The following AIM2 variants were observed in gnomAD, a reference collection of about 807,000 sequenced individuals.
The protein encoded by AIM2 is absent in melanoma 2.
A neutral mutation model predicts 27.7 loss-of-function variants in AIM2; 30 were observed. That is an observed-to-expected ratio of 1.08 (90% CI 0.81 to 1.47). The LOEUF (loss-of-function observed/expected upper bound fraction) is 1.47. AIM2 is among the 40% of genes most tolerant of loss of function. The pLI is 0.00. For synonymous variants in AIM2, 141 were observed against 145.3 expected (o/e 0.97, Z 0.21); for missense variants, 358 against 411.3 (o/e 0.87, Z 1.12).
At chr1:159,084,090 G>A (rs1328745235) in intron 1 of AIM2, among the ~76,000 whole-genome samples, 1 of 152,162 alleles carries the variant, frequency 6.6e-6, no homozygotes, top group Non-Finnish European at 1.5e-5. Context: ...CATAAGTGAG[G>A]GAACAGAGTT....
chr1:159,128,031 T>C (rs1458332316), intron 1 of AIM2, among the ~76,000 whole-genome samples: 1 of 152,208 alleles, frequency 6.6e-6, no homozygotes, highest in East Asian at 1.9e-4. Context: ...CTTTGTTTAC[T>C]TGTTTCTGTT....
intron 4 of AIM2, among the ~76,000 whole-genome samples, chr1:159,065,519 A>G (rs1309947125): frequency 1.3e-5 from 2 of 152,230 alleles, no homozygotes; most frequent in Non-Finnish European, 2.9e-5. Flanking sequence ...CAGGTCATTA[A>G]TCTGGTTTAT....
chr1:159,063,759 G>A, intron 4 of AIM2, 85 bp from the exon 5 acceptor site: 9 of 1,342,572 alleles, frequency 6.7e-6, no homozygotes, highest in Non-Finnish European at 9.3e-6. Context: ...CCAGAAGAAG[G>A]CTCTAAAAAG....
chr1:159,115,887 G>C (rs1362596877), intron 1 of AIM2, among the ~76,000 whole-genome samples: 2 of 151,936 alleles, frequency 1.3e-5, no homozygotes, highest in Admixed American at 6.6e-5. Flanking sequence ...CCATCAGAGT[G>C]AACAGGCAAC....
chr1:159,083,319 C>T (rs528585303), intron 1 of AIM2, among the ~76,000 whole-genome samples: 56 of 152,244 alleles, frequency 3.7e-4, no homozygotes, highest in African/African-American at 1.2e-3. Context: ...AAATTTGTAT[C>T]TTCTATTGCA....
intron 1 of AIM2, among the ~76,000 whole-genome samples, chr1:159,109,156 A>G (rs1657513989): frequency 6.6e-6 from 1 of 152,188 alleles, no homozygotes; most frequent in Non-Finnish European, 1.5e-5. Context: ...CTATAAGGCC[A>G]TAGTCACCAA....
chr1:159,140,022 C>T (rs1468155612), intron 1 of AIM2, among the ~76,000 whole-genome samples: 3 of 152,138 alleles, frequency 2.0e-5, no homozygotes, highest in Non-Finnish European at 2.9e-5. Flanking sequence ...GTGACATACC[C>T]CTTTCCTGAA....
chr1:159,144,667 C>G (rs552153854), upstream of AIM2, among the ~76,000 whole-genome samples: 5 of 152,316 alleles, frequency 3.3e-5, no homozygotes, highest in South Asian at 1.0e-3. Flanking sequence ...CTCCAAAGAT[C>G]TGTGACTCAA....
Position 159,073,333 on chromosome 1 carries a change from G to A in AIM2, c.167C>T (p.Ala56Val). 1 of 1,614,172 alleles carries A rather than the reference G, an allele frequency of 6.2e-7. No individual in the cohort carries two copies. The highest frequency in any genetic ancestry group is 1.1e-5 in the South Asian group (1 of 91,088). The change falls in exon 2 of 6, where the codon GCT becomes GTT. Residue 56 changes from alanine (A) to valine (V), a missense_variant. By Grantham distance (64) the Ala-to-Val change is moderately conservative (BLOSUM62 0). Transcript: ENST00000368130. ...CTTCATCACTGCAGACACCGCCCCAGCATTTTGAATCATCAAGGTAGCTAC... is the reference window on the plus strand; with the variant it reads ...CTTCATCACTGCAGACACCGCCCCAACATTTTGAATCATCAAGGTAGCTAC... Reference protein sequence around the residue: ...IQVATLMIQNAGAVSAVMKTI... With the variant: ...IQVATLMIQNVGAVSAVMKTI...
At chr1:159,070,892 G>C (rs114435702) in intron 2 of AIM2, among the ~76,000 whole-genome samples, 1 of 152,116 alleles carries the variant, frequency 6.6e-6, no homozygotes, top group African/African-American at 2.4e-5. Flanking sequence ...CAAGGGAGGC[G>C]GAAGGAATCA....
intron 2 of AIM2, among the ~76,000 whole-genome samples, chr1:159,072,111 G>A (rs1259429757): frequency 6.6e-6 from 1 of 152,174 alleles, no homozygotes. Context: ...GCTCATCCCA[G>A]ATAAGAAAAA....
At chr1:159,130,848 G>A (rs868103070) in intron 1 of AIM2, among the ~76,000 whole-genome samples, 12 of 142,274 alleles carry the variant, frequency 8.4e-5, no homozygotes, top group East Asian at 4.2e-4. Context: ...ACACACGCAC[G>A]CACTCTTCAA....
At chr1:159,069,160 C>T (rs1656245226) in intron 2 of AIM2, among the ~76,000 whole-genome samples, 1 of 149,554 alleles carries the variant, frequency 6.7e-6, no homozygotes, top group Non-Finnish European at 1.5e-5. Context: ...AAAAAAAAGA[C>T]AAGAAACAAA....
At chr1:159,136,915 T>A (rs3026932) in intron 1 of AIM2, among the ~76,000 whole-genome samples, 2,876 of 152,226 alleles carry the variant, frequency 0.019, 37 homozygotes, top group Non-Finnish European at 0.031. Context: ...CCACCTCTGG[T>A]GGTACAGCAC....
intron 1 of AIM2, among the ~76,000 whole-genome samples, chr1:159,116,048 A>G (rs1647338697): frequency 6.6e-6 from 1 of 152,220 alleles, no homozygotes; most frequent in Non-Finnish European, 1.5e-5. Context: ...TTCTCAAAAG[A>G]AGACATTTAT....
upstream of AIM2, among the ~76,000 whole-genome samples, chr1:159,143,489 C>T (rs1219018136): frequency 6.6e-6 from 1 of 151,760 alleles, no homozygotes; most frequent in Non-Finnish European, 1.5e-5. Flanking sequence ...TTGTAAAGGG[C>T]AGGTTAACAG....
chr1:159,130,920 A>C (rs1185732723), intron 1 of AIM2, among the ~76,000 whole-genome samples: 1 of 151,828 alleles, frequency 6.6e-6, no homozygotes, highest in Non-Finnish European at 1.5e-5. Flanking sequence ...AAGGTTTATC[A>C]GTTCCTCCAC....
chr1:159,094,879 G>A (rs902230799), intron 1 of AIM2, among the ~76,000 whole-genome samples: 3 of 151,642 alleles, frequency 2.0e-5, no homozygotes, highest in Non-Finnish European at 2.9e-5. Context: ...TTTATTTGGG[G>A]CCAATTATTC....
intron 1 of AIM2, among the ~76,000 whole-genome samples, chr1:159,101,524 G>A (rs1357349916): frequency 1.3e-5 from 2 of 152,214 alleles, no homozygotes; most frequent in African/African-American, 4.8e-5. Context: ...TTTGGAACTA[G>A]GTAACAGGCA....
Sources: gnomAD v4.1 joint callset for allele counts (sites outside exome capture counted in the v4.1 genomes callset) on GRCh38, gnomAD v4.1.1 for gene constraint, MANE v1.5 for transcripts, NCBI Gene and HGNC (gene_info 2026-07-23, HGNC 2026-07-21) for gene names.